SEC14L1: variants seen among roughly 807,000 people sequenced by gnomAD.
SEC14L1 encodes the protein SEC14-like protein 1.
SEC14L1 carries 48 observed loss-of-function variants against 85.3 expected under a neutral mutation model. The ratio of observed to expected loss-of-function variants is 0.56; its 90% CI spans 0.45 to 0.72. SEC14L1 has a LOEUF of 0.72. Among genes scored for constraint, SEC14L1 ranks in the 30% least tolerant of loss-of-function variants. SEC14L1 has a pLI of 0.00. For missense variants in SEC14L1, 682 were observed against 921.4 expected, an observed-to-expected ratio of 0.74 and a Z score of 3.36; for synonymous variants, 391 against 355.5, an observed-to-expected ratio of 1.10 and a Z score of -1.12.
intron 3 of SEC14L1, among the ~76,000 whole-genome samples, chr17:77,123,032 TTGTTG>T (rs1972340738): frequency 6.6e-6 from 1 of 151,988 alleles, no homozygotes; most frequent in African/African-American, 2.4e-5. Flanking sequence ...GTCTCCTTTT[TTGTTG>T]TTTTGTTTTT....
intron 3 of SEC14L1, among the ~76,000 whole-genome samples, chr17:77,127,569 C>T (rs1430717829): frequency 1.3e-5 from 2 of 151,974 alleles, no homozygotes; most frequent in African/African-American, 4.8e-5. Context: ...AGGCTGGTCT[C>T]GAACTTCCGA....
At position 77,103,971 on chromosome 17, in the gene SEC14L1, TC is replaced by T. The variant is rs1971844277; in HGVS notation, c.-136+10627del. 2.0e-5 allele frequency among the ~76,000 whole-genome samples: 3 copies of T among 151,726 alleles called. No homozygotes were observed. The South Asian group carries it at 6.2e-4, about 32-fold the overall frequency. On this transcript the variant is annotated intron_variant, in intron 3 of 19. Coordinates refer to the SEC14L1 transcript ENST00000392476. ...ACCTGGCACGCCCTGCCCCTGTCCT[TC>T]CCACTCCCTCTTGTGAGTCAGCTCA...
intron 3 of SEC14L1, among the ~76,000 whole-genome samples, chr17:77,178,837 A>G (rs1974876038): frequency 6.6e-6 from 1 of 152,192 alleles, no homozygotes; most frequent in Admixed American, 6.5e-5. Flanking sequence ...ACGGACCGGT[A>G]GGAGCTGGGG....
intron 8 of SEC14L1, 53 bp from the exon 9 acceptor site, chr17:77,200,431 A>C (rs573140912): frequency 2.0e-6 from 3 of 1,500,624 alleles, no homozygotes; most frequent in East Asian, 4.5e-5. Context: ...AGCCTCCCAA[A>C]GTTCCCTTCA....
At chr17:77,203,238 G>A (rs140936886) in intron 9 of SEC14L1, among the ~76,000 whole-genome samples, 140 of 152,300 alleles carry the variant, frequency 9.2e-4, no homozygotes, top group Non-Finnish European at 1.6e-3. Flanking sequence ...CAGCTTATGG[G>A]CAGTTGTTCA....
intron 7 of SEC14L1, among the ~76,000 whole-genome samples, chr17:77,195,668 A>G (rs1004528396): frequency 1.3e-5 from 2 of 151,804 alleles, no homozygotes; most frequent in African/African-American, 2.4e-5. Context: ...TTATATTCCT[A>G]GTAGAGACGG....
intron 3 of SEC14L1, among the ~76,000 whole-genome samples, chr17:77,125,978 C>G (rs1426824933): frequency 6.6e-6 from 1 of 152,180 alleles, no homozygotes; most frequent in African/African-American, 2.4e-5. Context: ...ATGGCAAAAC[C>G]CCATCTCTAC....
In SEC14L1 at chr17:77,206,342, C is replaced by T. The variant is rs144601920; in HGVS notation, c.1283C>T (p.Thr428Ile). Residue 428 changes from threonine (T) to isoleucine (I), a missense_variant, in exon 12 of 17, where the codon ACA becomes ATA. Thr to Ile is a moderately conservative substitution (Grantham distance 89, BLOSUM62 -1). This residue lies in a region of SEC14L1 where 420 missense variants were observed against 619.5 expected (regional missense o/e 0.68). Coordinates refer to ENST00000436233, the MANE Select transcript of SEC14L1 (RefSeq NM_001143998.2). This position sits in a 1 kb window ranked among gnomAD's most constrained non-coding sequence, Gnocchi z 4.3. The stretch of plus-strand genomic sequence containing the variant: ...GTGGTGGAGGCCAACTACCCTGAGA[C>T]ACTGGGCCGCCTTCTCATCCTGCGG... ...IEVVEANYPE[T>I]LGRLLILRAP... 2 of 1,613,994 alleles carry T rather than the reference C, an allele frequency of 1.2e-6. No homozygotes were observed. Among genetic ancestry groups the T allele is most frequent in the African/African-American group, 2.7e-5 (2 of 74,920 alleles).
intron 6 of SEC14L1, 122 bp from the exon 7 acceptor site, chr17:77,194,551 CAAAA>C: frequency 6.7e-6 from 4 of 593,736 alleles, no homozygotes; most frequent in African/African-American, 2.3e-5. Context: ...GACCCTGTCT[CAAAA>C]AAAAAAAAAG....
In SEC14L1 at chr17:77,206,952, C is replaced by G; in HGVS notation, c.1476+90C>G. The G allele has an allele frequency of 1.5e-6, 2 of 1,311,020 alleles. No individual in the cohort carries two copies. The highest frequency in any genetic ancestry group is 1.5e-5 in the African/African-American group (1 of 67,162). The allele number at this position is 1,311,020 out of a possible 1,614,324, so 81.2% of individuals were successfully genotyped here. A position where few individuals can be genotyped will look rare whatever the true frequency, so the allele number is the denominator to read the frequency against. ...TTTGCACAAATGATTTTCAGAACTT[C>G]CAGTTGTTTGGATGTTTTGTTTTTG... On this transcript the variant is annotated intron_variant, in intron 13 of 16. Coordinates refer to ENST00000436233, the MANE Select transcript of SEC14L1 (RefSeq NM_001143998.2). The surrounding 1 kb of genome is among the most constrained non-coding windows in gnomAD (Gnocchi z 4.3).
intron 3 of SEC14L1, among the ~76,000 whole-genome samples, chr17:77,111,362 T>G (rs532394539): frequency 6.6e-6 from 1 of 151,464 alleles, no homozygotes; most frequent in East Asian, 1.9e-4. Context: ...GAGGTTAAGA[T>G]AAAAGATTGT....
chr17:77,180,869 T>C (rs1280916204), intron 3 of SEC14L1, among the ~76,000 whole-genome samples: 2 of 152,178 alleles, frequency 1.3e-5, no homozygotes, highest in Non-Finnish European at 2.9e-5. Context: ...TATTCACAAA[T>C]AGCATGCAAT....
chr17:77,178,853 C>G (rs1598351587), intron 3 of SEC14L1, among the ~76,000 whole-genome samples: 2 of 152,306 alleles, frequency 1.3e-5, no homozygotes, highest in East Asian at 3.9e-4. Flanking sequence ...TGGGGACTCT[C>G]TGTGTGTTAA....
chr17:77,183,988 G>A (rs1975157148), intron 3 of SEC14L1, among the ~76,000 whole-genome samples: 1 of 152,184 alleles, frequency 6.6e-6, no homozygotes, highest in Non-Finnish European at 1.5e-5. Context: ...GTTTCACCAT[G>A]TTGGCCAGGC....
At position 77,214,067 on chromosome 17, in the gene SEC14L1, C is replaced by G. The variant is rs374641559; in HGVS notation, c.*44C>G. 6.3e-7 allele frequency: 1 copy of G among 1,585,430 alleles called. No individual in the cohort carries two copies. Among genetic ancestry groups the G allele is most frequent in the Non-Finnish European group, 8.6e-7 (1 of 1,164,794 alleles). On this transcript the variant is annotated 3_prime_UTR_variant, in exon 17 of 17. Coordinates refer to ENST00000436233, the MANE Select transcript of SEC14L1 (RefSeq NM_001143998.2). ...TAGTGTGCAGAGGGGACGGCCGCCC[C>G]TCCTCGGACAGCCAGCTGCACCCGC...
intron 3 of SEC14L1, among the ~76,000 whole-genome samples, chr17:77,172,999 G>T (rs1049910906): frequency 1.3e-5 from 2 of 152,160 alleles, no homozygotes; most frequent in Non-Finnish European, 2.9e-5. Context: ...TGCGAATCAT[G>T]CTCCTGTCTT....
chr17:77,182,319 CAAAGGTTGGTTAAAAGCTG>C (rs1975073431), intron 3 of SEC14L1, among the ~76,000 whole-genome samples: 1 of 152,114 alleles, frequency 6.6e-6, no homozygotes, highest in Admixed American at 6.5e-5. Flanking sequence ...AAATTGCATT[CAAAGGTTGGTTAAAAGCTG>C]AAAGTGCTGT....
chr17:77,110,084 G>C lies in SEC14L1; in HGVS notation c.-136+16737G>C, dbSNP rs534919872. On this transcript the variant is annotated intron_variant, in intron 3 of 19. Transcript: ENST00000392476. ...CTTTTGTCATGTTACCCAGAATAGAGGCATGGAGTTGTTTACCCGGTTTTC... is the reference window on the plus strand; with the variant it reads ...CTTTTGTCATGTTACCCAGAATAGACGCATGGAGTTGTTTACCCGGTTTTC... Among the ~76,000 whole-genome samples, 5 of 152,296 alleles carry C rather than the reference G, an allele frequency of 3.3e-5. No individual in the cohort carries two copies. In the South Asian group the frequency reaches 1.0e-3, roughly 32 times the overall value.
At chr17:77,133,829 C>T (rs1452157318) in intron 3 of SEC14L1, among the ~76,000 whole-genome samples, 1 of 151,098 alleles carries the variant, frequency 6.6e-6, no homozygotes, top group Non-Finnish European at 1.5e-5. Flanking sequence ...GTCCCAGCTA[C>T]TCGGGAGGCT....
Sources: allele counts gnomAD v4.1 joint callset (sites outside exome capture counted in the v4.1 genomes callset), GRCh38; gene constraint gnomAD v4.1.1; regional missense constraint gnomAD v4.1.1; non-coding constraint Gnocchi (gnomAD v3.1); transcripts MANE v1.5; gene names NCBI Gene and HGNC (gene_info 2026-07-23, HGNC 2026-07-21).